The following NDUFAF2 variants were observed in gnomAD, a reference collection of about 807,000 sequenced individuals.
The protein encoded by NDUFAF2 is NADH dehydrogenase [ubiquinone] 1 alpha subcomplex assembly factor 2.
NDUFAF2 carries 13 observed loss-of-function variants against 22.8 expected under a neutral mutation model. The ratio of observed to expected loss-of-function variants is 0.57; its 90% confidence interval spans 0.37 to 0.91. The LOEUF (loss-of-function observed/expected upper bound fraction) is 0.91, where lower values mean the gene tolerates loss of function less well. Ranked by LOEUF, NDUFAF2 falls within the 40% of genes least tolerant of loss-of-function variation. The pLI is 0.01. For synonymous variants in NDUFAF2, 53 were observed against 64.2 expected, an observed-to-expected ratio of 0.83 and a Z score of 0.84; for missense variants, 162 against 195.2, an observed-to-expected ratio of 0.83 and a Z score of 1.01.
intron 1 of NDUFAF2, among the ~76,000 whole-genome samples, chr5:60,986,508 C>A (rs879125436): frequency 1.3e-5 from 2 of 151,896 alleles, no homozygotes; most frequent in African/African-American, 4.8e-5. Context: ...ACACTCACAT[C>A]AAAAATTAGA....
At chr5:61,117,075 C>A (rs940225168) in intron 3 of NDUFAF2, among the ~76,000 whole-genome samples, 3 of 152,070 alleles carry the variant, frequency 2.0e-5, no homozygotes, top group Non-Finnish European at 4.4e-5. Flanking sequence ...TTAGGGAACA[C>A]AAAGAATAAG....
At chr5:60,976,055 A>G (rs1203473532) in intron 1 of NDUFAF2, among the ~76,000 whole-genome samples, 1 of 152,222 alleles carries the variant, frequency 6.6e-6, no homozygotes, top group Non-Finnish European at 1.5e-5. Flanking sequence ...ACTTGTTTTA[A>G]AAGAACTGCT....
At chr5:60,963,182 C>T (rs1478224747) in intron 1 of NDUFAF2, among the ~76,000 whole-genome samples, 1 of 152,092 alleles carries the variant, frequency 6.6e-6, no homozygotes, top group Non-Finnish European at 1.5e-5. Flanking sequence ...CTGCACCCAG[C>T]CAAGATTGCC....
intron 1 of NDUFAF2, among the ~76,000 whole-genome samples, chr5:61,025,091 C>T (rs527748106): frequency 2.6e-4 from 40 of 152,164 alleles, no homozygotes; most frequent in African/African-American, 9.4e-4. Context: ...TTTGTCCTCC[C>T]ATAATGTGTC....
chr5:61,149,901 AT>A (rs1256829567), intron 3 of NDUFAF2, among the ~76,000 whole-genome samples: 17 of 152,182 alleles, frequency 1.1e-4, no homozygotes, highest in Admixed American at 3.3e-4. Flanking sequence ...TCAATTCCAA[AT>A]ATTTTCATTG....
intron 3 of NDUFAF2, among the ~76,000 whole-genome samples, chr5:61,146,931 T>A (rs1050093425): frequency 2.0e-5 from 3 of 152,204 alleles, no homozygotes; most frequent in Non-Finnish European, 4.4e-5. Context: ...TTTCATAGGT[T>A]GTTTTTCACC....
chr5:60,990,107 T>G (rs1751138949), intron 1 of NDUFAF2, among the ~76,000 whole-genome samples: 1 of 152,148 alleles, frequency 6.6e-6, no homozygotes. Flanking sequence ...ATTAAACAAT[T>G]GAACTCATGA....
intron 1 of NDUFAF2, among the ~76,000 whole-genome samples, chr5:61,018,210 G>A (rs1272821758): frequency 6.6e-6 from 1 of 152,028 alleles, no homozygotes; most frequent in African/African-American, 2.4e-5. Context: ...CTGGCTACCG[G>A]GTGTGTCTTC....
intron 2 of NDUFAF2, among the ~76,000 whole-genome samples, chr5:61,083,038 C>CT (rs1331450703): frequency 6.6e-6 from 1 of 152,030 alleles, no homozygotes; most frequent in Non-Finnish European, 1.5e-5. Context: ...ACCAACATCT[C>CT]TTATTTTTTG....
At chr5:60,975,184 G>A (rs1750886058) in intron 1 of NDUFAF2, among the ~76,000 whole-genome samples, 1 of 151,876 alleles carries the variant, frequency 6.6e-6, no homozygotes, top group Non-Finnish European at 1.5e-5. Context: ...TGTTCTTTTT[G>A]GTTTTGTGTA....
At chr5:60,995,487 A>G (rs913447928) in intron 1 of NDUFAF2, among the ~76,000 whole-genome samples, 16 of 152,212 alleles carry the variant, frequency 1.1e-4, no homozygotes, top group African/African-American at 3.9e-4. Context: ...CTAGATTACC[A>G]GGCAGAGACT....
At chr5:61,097,112 AT>A (rs1417889108) in intron 2 of NDUFAF2, among the ~76,000 whole-genome samples, 1 of 152,216 alleles carries the variant, frequency 6.6e-6, no homozygotes, top group Non-Finnish European at 1.5e-5. Context: ...GAAATGACTG[AT>A]CCCAAGCCCG....
chr5:61,118,098 G>A (rs574818884), intron 3 of NDUFAF2, among the ~76,000 whole-genome samples: 4 of 152,150 alleles, frequency 2.6e-5, no homozygotes, highest in Non-Finnish European at 1.5e-5. Context: ...TTTCTGGTCT[G>A]CCAGTTCTCC....
chr5:61,126,866 G>T (rs1427887272), intron 3 of NDUFAF2, among the ~76,000 whole-genome samples: 1 of 151,932 alleles, frequency 6.6e-6, no homozygotes, highest in Non-Finnish European at 1.5e-5. Flanking sequence ...TTTTTGAAAA[G>T]ATCAACAAAA....
At chr5:61,007,510 T>C (rs2112595128) in intron 1 of NDUFAF2, among the ~76,000 whole-genome samples, 1 of 152,306 alleles carries the variant, frequency 6.6e-6, no homozygotes, top group South Asian at 2.1e-4. Flanking sequence ...CAGACACTTC[T>C]CAAAAGAAGA....
chr5:61,038,562 T>C (rs879274063), intron 1 of NDUFAF2, among the ~76,000 whole-genome samples: 2 of 152,182 alleles, frequency 1.3e-5, no homozygotes, highest in African/African-American at 2.4e-5. Context: ...TTTGAGGTAT[T>C]ATTAGGAGTG....
intron 1 of NDUFAF2, among the ~76,000 whole-genome samples, chr5:61,071,718 G>A (rs1014939628): frequency 6.6e-6 from 1 of 152,170 alleles, no homozygotes; most frequent in Non-Finnish European, 1.5e-5. Context: ...AAGCCATGCT[G>A]CTCCCTTTAT....
Position 61,059,912 on chromosome 5 carries a change from TG to T in NDUFAF2, c.128-13212del, listed in dbSNP as rs1338329433. 1.1e-4 allele frequency among the ~76,000 whole-genome samples: 17 copies of T among 152,156 alleles called. 1 individual carries two copies. The highest frequency in any genetic ancestry group is 4.1e-4 in the African/African-American group (17 of 41,460). On this transcript the variant is annotated intron_variant, in intron 1 of 3. Transcript: ENST00000296597. ...AATTACTGTGAGGAATAATAGCTTA[TG>T]ATAGTCATGCATAAGATGTTAGTTT...
At chr5:61,028,355 C>G (rs1184932132) in intron 1 of NDUFAF2, among the ~76,000 whole-genome samples, 2 of 152,046 alleles carry the variant, frequency 1.3e-5, no homozygotes, top group Non-Finnish European at 2.9e-5. Flanking sequence ...CTACAGCTCC[C>G]ATCACTTCTC....
Sources: gnomAD v4.1 joint callset for allele counts (sites outside exome capture counted in the v4.1 genomes callset) on GRCh38, gnomAD v4.1.1 for gene constraint, MANE v1.5 for transcripts, NCBI Gene and HGNC (gene_info 2026-07-23, HGNC 2026-07-21) for gene names.